MCFD2: variants seen among roughly 807,000 people sequenced by gnomAD.
MCFD2 encodes the protein multiple coagulation factor deficiency protein 2.
In MCFD2, 11 loss-of-function variants were observed where a neutral mutation model predicts 12.8. The ratio of observed to expected loss-of-function variants is 0.86; its 90% CI spans 0.54 to 1.42. The LOEUF (loss-of-function observed/expected upper bound fraction) is 1.42. Ranked by LOEUF, MCFD2 falls within the 40% of genes most tolerant of loss-of-function variation. The probability of loss-of-function intolerance (pLI) is 0.00; values close to 1 mark genes in which losing one functional copy is unlikely to be tolerated. For missense variants in MCFD2, 191 were observed against 178.6 expected, an observed-to-expected ratio of 1.07 and a Z score of -0.40; for synonymous variants, 70 against 68.1, an observed-to-expected ratio of 1.03 and a Z score of -0.14.
At chr2:46,910,408 C>T (rs1254766035) in intron 1 of MCFD2, among the ~76,000 whole-genome samples, 2 of 152,200 alleles carry the variant, frequency 1.3e-5, no homozygotes, top group African/African-American at 4.8e-5. Flanking sequence ...ACAGATTCTG[C>T]TAGATAACAA....
In MCFD2 at chr2:46,908,651, T is replaced by G; in HGVS notation, c.149+372A>C. 1 of 327,764 alleles carries G rather than the reference T, an allele frequency of 3.1e-6. No individual in the cohort carries two copies. The highest frequency in any genetic ancestry group is 2.1e-5 in the African/African-American group (1 of 46,694). 20.3% of individuals were successfully genotyped at this position (327,764 alleles called of 1,614,324 possible). A position where few individuals can be genotyped will look rare whatever the true frequency, so the allele number is the denominator to read the frequency against. The stretch of plus-strand genomic sequence containing the variant: ...ACAAATGATTCAATGTTTGAATGTG[T>G]TGATTTAAAAAAGGTCTTGTTATAG... On this transcript the variant is annotated intron_variant, in intron 2 of 3. Coordinates refer to ENST00000319466, the MANE Select transcript of MCFD2 (RefSeq NM_139279.6). The surrounding 1 kb of genome is among the most constrained non-coding windows in gnomAD (Gnocchi z 4.5).
chr2:46,915,806 G>GGGGGGGGGGGCCCCC, upstream of MCFD2: 1 of 512,582 alleles, frequency 2.0e-6, no homozygotes, highest in Non-Finnish European at 2.1e-6. Context: ...CCTCGGCTTC[G>GGGGGGGGGGGCCCCC]CCCCGCCCCC....
upstream of MCFD2, among the ~76,000 whole-genome samples, chr2:46,918,298 C>T (rs898066060): frequency 6.6e-6 from 1 of 152,342 alleles, no homozygotes; most frequent in African/African-American, 2.4e-5. Context: ...ACCTTTAAAT[C>T]CTTCAGCAAA....
Position 46,904,505 on chromosome 2 carries a change from C to G in MCFD2, c.*958G>C, listed in dbSNP as rs1208248426. The G allele has an allele frequency of 6.6e-6, 1 of 152,314 alleles. No individual in the cohort carries two copies. The highest frequency in any genetic ancestry group is 1.5e-5 in the Non-Finnish European group (1 of 68,102). The allele number at this position is 152,314 out of a possible 1,614,324, so 9.4% of individuals were successfully genotyped here. On this transcript the variant is annotated 3_prime_UTR_variant, in exon 4 of 4. Coordinates refer to ENST00000319466, the MANE Select transcript of MCFD2 (RefSeq NM_139279.6). ...GACCATGGGAACCCACTTCTTGCAT[C>G]AGTATGACCTGGATGTGAGACCTGG...
upstream of MCFD2, among the ~76,000 whole-genome samples, chr2:46,917,723 C>A (rs6758093): frequency 8.5e-5 from 13 of 152,098 alleles, no homozygotes; most frequent in Non-Finnish European, 1.8e-4. Flanking sequence ...CACCATACCA[C>A]TGAAACTGCA....
rs1572611307 is a variant in MCFD2 at position 46,908,960 on chromosome 2, G to A, written c.149+63C>T. 1 of 1,605,818 alleles carries A rather than the reference G, an allele frequency of 6.2e-7. No homozygotes were observed. The highest frequency in any genetic ancestry group is 2.2e-5 in the East Asian group (1 of 44,850). On this transcript the variant is annotated intron_variant, in intron 2 of 3. Transcript: ENST00000319466. This position sits in a 1 kb window ranked among gnomAD's most constrained non-coding sequence, Gnocchi z 4.5. ...GGAAAGGAGGACTGAGCATGCCCTT[G>A]CCGCTGGCTCAGCTGCAGATGATGG...
At chr2:46,923,186 T>G (rs544930075) in intron 1 of MCFD2, among the ~76,000 whole-genome samples, 1 of 152,310 alleles carries the variant, frequency 6.6e-6, no homozygotes, top group South Asian at 2.1e-4. Context: ...CAAGCCCTGT[T>G]ATTTTGGATT....
intron 1 of MCFD2, among the ~76,000 whole-genome samples, chr2:46,932,243 C>T (rs972810573): frequency 1.3e-5 from 2 of 151,676 alleles, no homozygotes; most frequent in African/African-American, 2.4e-5. Flanking sequence ...TCTTCCTCCT[C>T]GGTTCAAGCA....
At chr2:46,927,095 T>A (rs981726017) in intron 1 of MCFD2, among the ~76,000 whole-genome samples, 1 of 151,990 alleles carries the variant, frequency 6.6e-6, no homozygotes, top group Non-Finnish European at 1.5e-5. Context: ...TACAAAAGGA[T>A]AAGAGTCACA....
At position 46,905,345 on chromosome 2, in the gene MCFD2, G is replaced by C. The variant is rs1276950405; in HGVS notation, c.*118C>G. ...CACCCCAGTGTAACGAATCGCTACA[G>C]GTTTTTACCAAAATGCTGCAGCAGT... On this transcript the variant is annotated 3_prime_UTR_variant, in exon 4 of 4. Coordinates refer to ENST00000319466, the MANE Select transcript of MCFD2 (RefSeq NM_139279.6). 1 of 1,167,000 alleles carries C rather than the reference G, an allele frequency of 8.6e-7. No homozygotes were observed. The highest frequency in any genetic ancestry group is 1.3e-6 in the Non-Finnish European group (1 of 779,164). The allele number at this position is 1,167,000 out of a possible 1,614,324, so 72.3% of individuals were successfully genotyped here. A position where few individuals can be genotyped will look rare whatever the true frequency, so the allele number is the denominator to read the frequency against.
At chr2:46,910,794 C>G (rs966730745) in intron 1 of MCFD2, 1 of 152,708 alleles carries the variant, frequency 6.5e-6, no homozygotes, top group Admixed American at 6.5e-5. Flanking sequence ...AATCCCAGCA[C>G]TTTGGGAGGC....
rs1411958905 is a variant in MCFD2, at chr2:46,904,150, C to G, written c.*1313G>C. The G allele has an allele frequency of 6.6e-6, 1 of 152,238 alleles. No individual in the cohort carries two copies. Among genetic ancestry groups the G allele is most frequent in the African/African-American group, 2.4e-5 (1 of 41,438 alleles). The allele number at this position is 152,238 out of a possible 1,614,324, so 9.4% of individuals were successfully genotyped here. A position where few individuals can be genotyped will look rare whatever the true frequency, so the allele number is the denominator to read the frequency against. ...AAGAATTGAGATTTGGAAACCTCCG[C>G]CTAGTTTTCAGAAGATGTATGGAAA... On this transcript the variant is annotated 3_prime_UTR_variant, in exon 4 of 4. Transcript: ENST00000319466.
intron 1 of MCFD2, among the ~76,000 whole-genome samples, chr2:46,931,544 C>A (rs1669703655): frequency 6.6e-6 from 1 of 152,046 alleles, no homozygotes; most frequent in Non-Finnish European, 1.5e-5. Flanking sequence ...TAGAGGTGCC[C>A]ATGGAAGCAA....
At chr2:46,939,551 A>G (rs1398638181) in intron 1 of MCFD2, among the ~76,000 whole-genome samples, 4 of 152,220 alleles carry the variant, frequency 2.6e-5, no homozygotes, top group Non-Finnish European at 5.9e-5. Flanking sequence ...TTCCCTCTAC[A>G]GTTAGTTCAC....
Position 46,915,804 on chromosome 2 carries a change from T to TGGGGGGGGGGGGGGGGCG in MCFD2, c.-89_-88insCGCCCCCCCCCCCCCCCC. The stretch of plus-strand genomic sequence containing the variant: ...GTCCCCAAAACGCTCTTCCTCGGCT[T>TGGGGGGGGGGGGGGGGCG]CGCCCCGCCCCCCCCCCCCCCCCGA... On this transcript the variant is annotated 5_prime_UTR_variant, in exon 1 of 4. Coordinates refer to ENST00000319466, the MANE Select transcript of MCFD2 (RefSeq NM_139279.6). 2 of 568,430 alleles carry TGGGGGGGGGGGGGGGGCG rather than the reference T, an allele frequency of 3.5e-6. No individual in the cohort carries two copies. Among genetic ancestry groups the TGGGGGGGGGGGGGGGGCG allele is most frequent in the Non-Finnish European group, 3.9e-6 (2 of 510,736 alleles). The allele number at this position is 568,430 out of a possible 1,614,324, so 35.2% of individuals were successfully genotyped here.
Position 46,903,133 on chromosome 2 carries a change from C to G in MCFD2, c.*2330G>C, listed in dbSNP as rs183048719. 6.6e-6 allele frequency: 1 copy of G among 152,206 alleles called. No individual in the cohort carries two copies. Among genetic ancestry groups the G allele is most frequent in the African/African-American group, 2.4e-5 (1 of 41,408 alleles). 9.4% of individuals were successfully genotyped at this position (152,206 alleles called of 1,614,324 possible). ...GGGCCAGTCTTTCCCGTGCTATTCT[C>G]GTGACAGTGAATAAGTCTCATGAGA... is the stretch of plus-strand genomic sequence containing the variant. On this transcript the variant is annotated 3_prime_UTR_variant, in exon 4 of 4. Coordinates refer to ENST00000319466, the MANE Select transcript of MCFD2 (RefSeq NM_139279.6).
chr2:46,916,277 T>A (rs1246051684), upstream of MCFD2: 1 of 669,318 alleles, frequency 1.5e-6, no homozygotes, highest in Admixed American at 6.3e-5. Context: ...GAGCCGGCCT[T>A]GGACCCTACG....
upstream of MCFD2, chr2:46,917,364 C>T: frequency 1.7e-6 from 1 of 594,318 alleles, no homozygotes; most frequent in Non-Finnish European, 3.0e-6. Context: ...TTACTCTGAA[C>T]TTTGGATTAG....
In MCFD2 at chr2:46,905,560, T is replaced by C. The variant is rs767334331; in HGVS notation, c.344A>G (p.Asp115Gly). ...GSEQAPLMSE[D>G]ELINIIDGVL... ...ACCATCTATTATGTTAATCAGTTCA[T>C]CTTCACTCATTAGTGGTGCCTGTTC... The change falls in exon 4 of 4, where the codon GAT becomes GGT. Residue 115 changes from aspartate (D) to glycine (G), a missense_variant. By Grantham distance (94) the Asp-to-Gly change is moderately conservative (BLOSUM62 -1). Transcript: ENST00000319466. 2 of 1,613,264 alleles carry C rather than the reference T, an allele frequency of 1.2e-6. No homozygotes were observed. The highest frequency in any genetic ancestry group is 1.1e-5 in the South Asian group (1 of 91,058).
Sources: gnomAD v4.1 joint callset for allele counts (sites outside exome capture counted in the v4.1 genomes callset) on GRCh38, gnomAD v4.1.1 for gene constraint, Gnocchi (gnomAD v3.1) non-coding constraint, MANE v1.5 for transcripts, NCBI Gene and HGNC (gene_info 2026-07-23, HGNC 2026-07-21) for gene names.